HACE1: variants seen among roughly 807,000 people sequenced by gnomAD.
HACE1 encodes the protein HECT domain and ankyrin repeat containing E3 ubiquitin protein ligase 1.
A neutral mutation model predicts 118.4 loss-of-function variants in HACE1; 73 were observed. The ratio of observed to expected loss-of-function variants is 0.62; its 90% confidence interval spans 0.51 to 0.75. The LOEUF (loss-of-function observed/expected upper bound fraction) is 0.75, where lower values mean the gene tolerates loss of function less well. Among genes scored for constraint, HACE1 ranks in the 30% least tolerant of loss-of-function variants. HACE1 has a pLI of 0.00. For synonymous variants in HACE1, 368 were observed against 374.8 expected (o/e 0.98, Z 0.21); for missense variants, 749 against 1,102.2 (o/e 0.68, Z 4.54).
At chr6:104,820,662 T>C (rs958237279) in intron 6 of HACE1, among the ~76,000 whole-genome samples, 2 of 152,214 alleles carry the variant, frequency 1.3e-5, no homozygotes, top group South Asian at 4.1e-4. Context: ...CCAGTCAGAA[T>C]GGATATTATT....
chr6:104,750,522 C>G, intron 19 of HACE1, 50 bp from the exon 20 acceptor site: 1 of 1,505,794 alleles, frequency 6.6e-7, no homozygotes, highest in Non-Finnish European at 9.2e-7. Context: ...CTTTTACATA[C>G]TTAATGTTAA....
Position 104,750,360 on chromosome 6 carries a change from AG to A in HACE1, c.2323del (p.Leu775PhefsTer19). 6.2e-7 allele frequency: 1 copy of A among 1,612,894 alleles called. No individual in the cohort carries two copies. The highest frequency in any genetic ancestry group is 8.5e-7 in the Non-Finnish European group (1 of 1,179,090). Reference protein sequence around the residue: ...HMFIPPSLIQLFDEYELELLL... With the variant: ...HMFIPPSLIQXFDEYELELLL... ...CCTTACCAATTCATATTCATCAAAA[AG>A]CTGTATGAGGGAGGGTGGAATGAAC... On this transcript the variant is annotated frameshift_variant, in exon 20 of 24. Transcript: ENST00000262903. LOFTEE classifies it high-confidence loss of function.
intron 6 of HACE1, among the ~76,000 whole-genome samples, chr6:104,832,672 T>C (rs1215725926): frequency 1.3e-5 from 2 of 152,116 alleles, no homozygotes; most frequent in Admixed American, 1.3e-4. Flanking sequence ...ATTACAGCTG[T>C]GAGCCACGGC....
intron 6 of HACE1, among the ~76,000 whole-genome samples, chr6:104,816,357 G>A (rs182056432): frequency 5.4e-4 from 83 of 152,300 alleles, no homozygotes; most frequent in Admixed American, 1.4e-3. Flanking sequence ...GTGCAGCTTC[G>A]GGACTTAGTG....
chr6:104,851,303 C>A (rs1389016549), intron 2 of HACE1, among the ~76,000 whole-genome samples: 1 of 152,132 alleles, frequency 6.6e-6, no homozygotes, highest in Non-Finnish European at 1.5e-5. Flanking sequence ...AAGATGATCT[C>A]AATCTCTTGA....
intron 11 of HACE1, 48 bp from the exon 12 acceptor site, chr6:104,785,367 A>T: frequency 1.0e-6 from 1 of 984,184 alleles, no homozygotes; most frequent in Non-Finnish European, 1.6e-6. Flanking sequence ...AAACTACAGG[A>T]TTAAAAAAAA....
Position 104,739,184 on chromosome 6 carries a change from A to G in HACE1, c.2513+4976T>C, listed in dbSNP as rs868590904. ...GAAGGAAGCGCTAAACATGGAAAGGAACAACTGGTACCAGCCACTGCAAAA... is the reference window on the plus strand; with the variant it reads ...GAAGGAAGCGCTAAACATGGAAAGGGACAACTGGTACCAGCCACTGCAAAA... On this transcript the variant is annotated intron_variant, in intron 22 of 23. Transcript: ENST00000262903. 6.3e-4 allele frequency among the ~76,000 whole-genome samples: 96 copies of G among 152,342 alleles called. 1 individual carries two copies. The highest frequency in any genetic ancestry group is 2.3e-3 in the African/African-American group (94 of 41,576).
At chr6:104,747,894 C>T (rs1184204989) in intron 20 of HACE1, among the ~76,000 whole-genome samples, 1 of 152,056 alleles carries the variant, frequency 6.6e-6, no homozygotes, top group Non-Finnish European at 1.5e-5. Flanking sequence ...TTAGTAAAGT[C>T]AGAGTCCAAG....
At chr6:104,826,265 C>T (rs1304630622) in intron 6 of HACE1, among the ~76,000 whole-genome samples, 44 of 152,146 alleles carry the variant, frequency 2.9e-4, no homozygotes, top group Non-Finnish European at 2.9e-5. Context: ...GTGCTATGCA[C>T]GACTCTAGAT....
At chr6:104,837,045 A>C (rs1023205120) in intron 5 of HACE1, among the ~76,000 whole-genome samples, 11 of 152,204 alleles carry the variant, frequency 7.2e-5, no homozygotes, top group Non-Finnish European at 1.6e-4. Context: ...AAAAGACTCA[A>C]TCAACACAGT....
At chr6:104,857,649 A>C (rs182036150) in intron 1 of HACE1, among the ~76,000 whole-genome samples, 1 of 151,558 alleles carries the variant, frequency 6.6e-6, no homozygotes, top group Non-Finnish European at 1.5e-5. Context: ...CCTATTGAAG[A>C]ATACAAAAAA....
chr6:104,749,349 C>G lies in HACE1; in HGVS notation c.2343+992G>C, dbSNP rs201106572. Among the ~76,000 whole-genome samples the G allele has an allele frequency of 2.6e-5, 4 of 151,902 alleles. No individual in the cohort carries two copies. The East Asian group carries it at 7.7e-4, about 29-fold the overall frequency. Reference sequence around the variant, plus strand: ...ATTAACTGTACAGCTTAAAAACAATCAAAAAAACCTCAAAACTTACATTTA... The same window carrying G: ...ATTAACTGTACAGCTTAAAAACAATGAAAAAAACCTCAAAACTTACATTTA... On this transcript the variant is annotated intron_variant, in intron 20 of 23. Transcript: ENST00000262903.
chr6:104,758,241 A>G lies in HACE1; in HGVS notation c.2212-7769T>C, dbSNP rs557442964. 3.3e-5 allele frequency among the ~76,000 whole-genome samples: 5 copies of G among 152,228 alleles called. No individual in the cohort carries two copies. The South Asian group carries it at 6.2e-4, about 19-fold the overall frequency. On this transcript the variant is annotated intron_variant, in intron 19 of 23. Coordinates refer to ENST00000262903, the MANE Select transcript of HACE1 (RefSeq NM_020771.4). ...CGAGAAGAGCAACCCCAAGACATAT[A>G]AAATGTCAGATTCACCAAGGTTGAA...
chr6:104,804,443 C>T (rs965581522), intron 7 of HACE1, among the ~76,000 whole-genome samples: 2 of 152,154 alleles, frequency 1.3e-5, no homozygotes, highest in African/African-American at 4.8e-5. Flanking sequence ...CTGGCAGCAT[C>T]ATGCTACCTG....
chr6:104,781,439 T>G (rs998414084), intron 14 of HACE1, among the ~76,000 whole-genome samples: 5 of 152,150 alleles, frequency 3.3e-5, no homozygotes, highest in Admixed American at 1.3e-4. Flanking sequence ...CCTGGTTCAT[T>G]GAGAATGGCA....
chr6:104,857,814 G>A (rs533896388), intron 1 of HACE1, among the ~76,000 whole-genome samples: 2 of 151,968 alleles, frequency 1.3e-5, no homozygotes, highest in East Asian at 3.9e-4. Flanking sequence ...AAAATTAGCC[G>A]GGCCTGGTGG....
At chr6:104,858,454 ACT>A in intron 1 of HACE1, 1 of 381,624 alleles carries the variant, frequency 2.6e-6, no homozygotes, top group South Asian at 1.9e-5. Flanking sequence ...TAATCCCAAC[ACT>A]TTGGGGGGAG....
At chr6:104,737,585 C>A (rs1055376322) in intron 22 of HACE1, among the ~76,000 whole-genome samples, 10 of 152,160 alleles carry the variant, frequency 6.6e-5, no homozygotes, top group South Asian at 6.2e-4. Flanking sequence ...CCTAGAAAAT[C>A]GGGTCACTCC....
At chr6:104,771,778 C>A in intron 18 of HACE1, 147 bp downstream of exon 18, 2 of 530,872 alleles carry the variant, frequency 3.8e-6, no homozygotes, top group Non-Finnish European at 3.3e-6. Context: ...TTTTCTCCTT[C>A]AAACCCCGAA....
Sources: gnomAD v4.1 joint callset for allele counts (sites outside exome capture counted in the v4.1 genomes callset) on GRCh38, gnomAD v4.1.1 for gene constraint, MANE v1.5 for transcripts, NCBI Gene and HGNC (gene_info 2026-07-23, HGNC 2026-07-21) for gene names.